Variants in RABL3 observed in about 807,000 individuals in gnomAD.
RABL3 encodes rab-like protein 3.
Under a neutral mutation model 31.8 loss-of-function variants are expected in RABL3, and 31 were observed. The ratio of observed to expected loss-of-function variants is 0.97; its 90% CI spans 0.73 to 1.31. The LOEUF is 1.31. Ranked by LOEUF, RABL3 falls within the 40% of genes most tolerant of loss-of-function variation. The probability of loss-of-function intolerance (pLI) is 0.00; values close to 1 mark genes in which losing one functional copy is unlikely to be tolerated. For missense variants in RABL3, 263 were observed against 279.6 expected (o/e 0.94, Z 0.42); for synonymous variants, 97 against 99.9 (o/e 0.97, Z 0.18).
intron 2 of RABL3, among the ~76,000 whole-genome samples, chr3:120,714,836 C>T (rs773406201): frequency 8.5e-5 from 13 of 152,162 alleles, no homozygotes; most frequent in Non-Finnish European, 1.8e-4. Context: ...TTTAATCAGT[C>T]TTTCTCTGAC....
At chr3:120,693,981 C>T (rs567509528) in intron 6 of RABL3, among the ~76,000 whole-genome samples, 172 bp downstream of exon 6, 8 of 152,202 alleles carry the variant, frequency 5.3e-5, no homozygotes, top group South Asian at 2.1e-4. Flanking sequence ...GGAATAAATA[C>T]GTCAGCAGGC....
At chr3:120,702,265 T>C (rs1337609509) in intron 4 of RABL3, among the ~76,000 whole-genome samples, 1 of 152,170 alleles carries the variant, frequency 6.6e-6, no homozygotes, top group South Asian at 2.1e-4. Flanking sequence ...AATTTTTCCA[T>C]GGACAGGTGT....
chr3:120,694,041 C>A, intron 6 of RABL3, 112 bp downstream of exon 6: 1 of 634,120 alleles, frequency 1.6e-6, no homozygotes, highest in South Asian at 2.4e-5. Flanking sequence ...AGGATTATTC[C>A]AGGCTGTGAA....
chr3:120,732,923 T>C (rs893322591), intron 1 of RABL3, among the ~76,000 whole-genome samples: 2 of 152,182 alleles, frequency 1.3e-5, no homozygotes, highest in Admixed American at 6.5e-5. Context: ...TAGTATTCCA[T>C]GGTGTATATG....
chr3:120,715,063 T>C (rs188450377), intron 2 of RABL3, among the ~76,000 whole-genome samples: 7 of 152,202 alleles, frequency 4.6e-5, no homozygotes, highest in Non-Finnish European at 7.3e-5. Flanking sequence ...AACTTACTAT[T>C]GTTTCCTTCT....
intron 2 of RABL3, among the ~76,000 whole-genome samples, chr3:120,724,342 C>A (rs1032000662): frequency 2.2e-4 from 34 of 152,000 alleles, no homozygotes; most frequent in East Asian, 3.9e-4. Flanking sequence ...CATGGGTAGG[C>A]AGAATCAATA....
At chr3:120,710,691 A>G (rs1708603603) in intron 2 of RABL3, 1 of 152,136 alleles carries the variant, frequency 6.6e-6, no homozygotes, top group Non-Finnish European at 1.5e-5. Flanking sequence ...TCTCTCCCTT[A>G]TACCATCAAA....
intron 1 of RABL3, among the ~76,000 whole-genome samples, chr3:120,734,711 A>G (rs1708933520): frequency 6.6e-6 from 1 of 152,186 alleles, no homozygotes; most frequent in South Asian, 2.1e-4. Context: ...ATTTTGAGAT[A>G]TGTCCCATCA....
Position 120,709,926 on chromosome 3 carries a change from T to C in RABL3, c.139-17A>G, listed in dbSNP as rs763818782. Reference sequence around the variant, plus strand: ...ATCATGAACCTAACAAATCAATCAATTAAAATAATTAATATAGCCACTAAA... The same window carrying C: ...ATCATGAACCTAACAAATCAATCAACTAAAATAATTAATATAGCCACTAAA... On this transcript the variant is annotated splice_polypyrimidine_tract_variant and intron_variant, in intron 2 of 7. Coordinates refer to ENST00000273375, the MANE Select transcript of RABL3 (RefSeq NM_173825.5). 3 of 1,564,928 alleles carry C rather than the reference T, an allele frequency of 1.9e-6. No individual in the cohort carries two copies. Among genetic ancestry groups the C allele is most frequent in the Admixed American group, 1.9e-5 (1 of 52,558 alleles).
chr3:120,734,410 C>T (rs1708928663), intron 1 of RABL3, among the ~76,000 whole-genome samples: 1 of 152,332 alleles, frequency 6.6e-6, no homozygotes, highest in Admixed American at 6.5e-5. Flanking sequence ...TGAGACTTTG[C>T]TGAAGTAGCT....
At chr3:120,725,624 A>T (rs1708809125) in intron 2 of RABL3, among the ~76,000 whole-genome samples, 1 of 152,244 alleles carries the variant, frequency 6.6e-6, no homozygotes, top group Non-Finnish European at 1.5e-5. Flanking sequence ...GCCACAAAAA[A>T]TGATGAGTTC....
At position 120,689,756 on chromosome 3, in the gene RABL3, G is replaced by C; in HGVS notation, c.*67C>G. On this transcript the variant is annotated 3_prime_UTR_variant, in exon 8 of 8. Transcript: ENST00000273375. The stretch of plus-strand genomic sequence containing the variant: ...TTAAAAGGCTGTGATGGTAATAATT[G>C]AACACAGCAAGATGAGCTGTGAAAA... 3 of 1,053,748 alleles carry C rather than the reference G, an allele frequency of 2.8e-6. No individual in the cohort carries two copies. The highest frequency in any genetic ancestry group is 4.4e-6 in the Non-Finnish European group (3 of 676,408). The allele number at this position is 1,053,748 out of a possible 1,614,324, so 65.3% of individuals were successfully genotyped here.
At position 120,687,035 on chromosome 3, in the gene RABL3, A is replaced by G. The variant is rs1023723513; in HGVS notation, c.*2788T>C. On this transcript the variant is annotated 3_prime_UTR_variant, in exon 8 of 8. Coordinates refer to ENST00000273375, the MANE Select transcript of RABL3 (RefSeq NM_173825.5). ...GAAACCTTGCTTCTGCAGTTTTCTCAAATAACAGGGTGCAATATTTTGGGG... is the reference window on the plus strand; with the variant it reads ...GAAACCTTGCTTCTGCAGTTTTCTCGAATAACAGGGTGCAATATTTTGGGG... 2.0e-5 allele frequency: 3 copies of G among 152,212 alleles called. No individual in the cohort carries two copies. Among genetic ancestry groups the G allele is most frequent in the African/African-American group, 7.2e-5 (3 of 41,446 alleles). The allele number at this position is 152,212 out of a possible 1,614,324, so 9.4% of individuals were successfully genotyped here.
chr3:120,710,932 T>C (rs1378518369), intron 2 of RABL3, among the ~76,000 whole-genome samples: 1 of 152,134 alleles, frequency 6.6e-6, no homozygotes, highest in Non-Finnish European at 1.5e-5. Context: ...ATCGAACTTA[T>C]GCCCTAATGA....
In RABL3 at chr3:120,690,483, A is replaced by G. The variant is rs868741811; in HGVS notation, c.611T>C (p.Ile204Thr). The stretch of plus-strand genomic sequence containing the variant: ...TTCTCTTAAAAAGTATCTCTTCTCT[A>G]TGACCTGTGAAAAACAAAGATTTTA... ...VKLSRFFDKV[I>T]EKRYFLREGN... The change falls in exon 7 of 8, where the codon ATA becomes ACA. Residue 204 changes from isoleucine (I) to threonine (T), a missense_variant. By Grantham distance (89) the Ile-to-Thr change is moderately conservative. Coordinates refer to ENST00000273375, the MANE Select transcript of RABL3 (RefSeq NM_173825.5). 6.2e-7 allele frequency: 1 copy of G among 1,604,106 alleles called. No individual in the cohort carries two copies. The highest frequency in any genetic ancestry group is 8.5e-7 in the Non-Finnish European group (1 of 1,171,366).
At chr3:120,709,312 A>G (rs891266334) in intron 3 of RABL3, among the ~76,000 whole-genome samples, 1 of 151,918 alleles carries the variant, frequency 6.6e-6, no homozygotes, top group Non-Finnish European at 1.5e-5. Flanking sequence ...TTCTGCACCC[A>G]TAAAGACCCC....
intron 4 of RABL3, among the ~76,000 whole-genome samples, chr3:120,704,522 T>C (rs1389713369): frequency 6.6e-6 from 1 of 152,208 alleles, no homozygotes; most frequent in Non-Finnish European, 1.5e-5. Context: ...GACATAGATA[T>C]TCACTCTTAT....
chr3:120,694,232 A>G lies in RABL3; in HGVS notation c.535-8T>C. 6.3e-7 allele frequency: 1 copy of G among 1,595,000 alleles called. No individual in the cohort carries two copies. Among genetic ancestry groups the G allele is most frequent in the Non-Finnish European group, 8.6e-7 (1 of 1,166,146 alleles). On this transcript the variant is annotated splice_region_variant and splice_polypyrimidine_tract_variant and intron_variant, in intron 5 of 7. Transcript: ENST00000273375. ...CCGTGGATTTGTGCAGTCCTAGAAG[A>G]TAAAACATAAGATCCACAATTGAAA...
At chr3:120,699,288 C>G (rs1708470435) in intron 4 of RABL3, among the ~76,000 whole-genome samples, 1 of 152,054 alleles carries the variant, frequency 6.6e-6, no homozygotes, top group African/African-American at 2.4e-5. Flanking sequence ...AAATGAGAGC[C>G]ATGGGAGATA....
Sources: gnomAD v4.1 joint callset for allele counts (sites outside exome capture counted in the v4.1 genomes callset) on GRCh38, gnomAD v4.1.1 for gene constraint, MANE v1.5 for transcripts, NCBI Gene and HGNC (gene_info 2026-07-23, HGNC 2026-07-21) for gene names.